Variants in PTPRM observed in about 807,000 individuals in gnomAD.
PTPRM encodes receptor-type tyrosine-protein phosphatase mu.
A neutral mutation model predicts 186.7 loss-of-function variants in PTPRM; 47 were observed. That is an observed-to-expected ratio of 0.25 (90% confidence interval 0.20 to 0.32). The LOEUF (loss-of-function observed/expected upper bound fraction) is 0.32. Ranked by LOEUF, PTPRM falls within the 10% of genes least tolerant of loss-of-function variation. PTPRM has a pLI of 1.00. For missense variants in PTPRM, 1,494 were observed against 1,865.0 expected (o/e 0.80, Z 3.66); for synonymous variants, 668 against 674.9 (o/e 0.99, Z 0.16).
chr18:7,936,267 G>A (rs938825532), intron 5 of PTPRM, among the ~76,000 whole-genome samples: 1 of 152,168 alleles, frequency 6.6e-6, no homozygotes, highest in African/African-American at 2.4e-5. Context: ...GCCCTCCCAG[G>A]TGCAGCTGCA....
chr18:7,929,969 A>G (rs2051384526), intron 5 of PTPRM, among the ~76,000 whole-genome samples: 1 of 152,220 alleles, frequency 6.6e-6, no homozygotes, highest in Admixed American at 6.5e-5. Context: ...ACTTATTTTT[A>G]GTTTTTTCTG....
chr18:8,247,991 T>C, intron 16 of PTPRM, 72 bp downstream of exon 16: 1 of 1,414,054 alleles, frequency 7.1e-7, no homozygotes, highest in South Asian at 1.2e-5. Flanking sequence ...CTCTCTCTGC[T>C]ATCCCTGGTG....
At chr18:7,701,295 C>T (rs1011963037) in intron 1 of PTPRM, among the ~76,000 whole-genome samples, 1 of 126,594 alleles carries the variant, frequency 7.9e-6, no homozygotes, top group East Asian at 2.3e-4. Context: ...AGAGCCAGAC[C>T]GTATCTCAAA....
chr18:7,715,301 C>G (rs561659809), intron 1 of PTPRM, among the ~76,000 whole-genome samples: 1 of 152,136 alleles, frequency 6.6e-6, no homozygotes, highest in African/African-American at 2.4e-5. Context: ...TGACAAAATT[C>G]AACACCTCTT....
intron 1 of PTPRM, among the ~76,000 whole-genome samples, chr18:7,695,463 C>T (rs2039823706): frequency 6.6e-6 from 1 of 152,144 alleles, no homozygotes; most frequent in South Asian, 2.1e-4. Flanking sequence ...TGTTGGGTTC[C>T]ACCGTCTTGC....
At chr18:7,672,653 T>C (rs950711469) in intron 1 of PTPRM, among the ~76,000 whole-genome samples, 2 of 152,168 alleles carry the variant, frequency 1.3e-5, no homozygotes, top group Non-Finnish European at 2.9e-5. Flanking sequence ...TATAGTTTTC[T>C]CAAGGAGTCA....
chr18:7,974,997 T>C (rs1006573968), intron 7 of PTPRM, among the ~76,000 whole-genome samples: 8 of 152,196 alleles, frequency 5.3e-5, no homozygotes, highest in African/African-American at 1.7e-4. Flanking sequence ...GGAATCTGCA[T>C]TTTTAACAAA....
At chr18:7,656,123 A>G (rs1338904345) in intron 1 of PTPRM, among the ~76,000 whole-genome samples, 1 of 152,252 alleles carries the variant, frequency 6.6e-6, no homozygotes, top group Non-Finnish European at 1.5e-5. Flanking sequence ...AGAAATTTGC[A>G]CACACATGTT....
chr18:8,195,826 G>C (rs183400525), intron 14 of PTPRM, among the ~76,000 whole-genome samples: 69 of 152,172 alleles, frequency 4.5e-4, no homozygotes, highest in African/African-American at 1.6e-3. Context: ...TGAAAGCCCA[G>C]ACTCCACCGC....
chr18:7,705,993 T>C (rs939931436), intron 1 of PTPRM, among the ~76,000 whole-genome samples: 1 of 147,844 alleles, frequency 6.8e-6, no homozygotes, highest in African/African-American at 2.4e-5. Flanking sequence ...TATAAATTTA[T>C]ATATTTATAT....
chr18:7,567,643 C>T lies in PTPRM; in HGVS notation c.-176C>T. On this transcript the variant is annotated 5_prime_UTR_variant, in exon 1 of 33. Coordinates refer to ENST00000580170, the MANE Select transcript of PTPRM (RefSeq NM_001105244.2). The surrounding 1 kb of genome is among the most constrained non-coding windows in gnomAD (Gnocchi z 4.3). ...AGGACCCAGGACCCTGTGCCCGCGCCCCTGGAGCCGCTGGAGTTCGGACTT... is the reference window on the plus strand; with the variant it reads ...AGGACCCAGGACCCTGTGCCCGCGCTCCTGGAGCCGCTGGAGTTCGGACTT... The T allele has an allele frequency of 1.9e-6, 1 of 534,476 alleles. No homozygotes were observed. The highest frequency in any genetic ancestry group is 3.2e-6 in the Non-Finnish European group (1 of 316,506). 33.1% of individuals were successfully genotyped at this position (534,476 alleles called of 1,614,324 possible).
intron 30 of PTPRM, among the ~76,000 whole-genome samples, chr18:8,385,394 G>A (rs1409798449): frequency 2.0e-5 from 3 of 152,206 alleles, no homozygotes; most frequent in Non-Finnish European, 4.4e-5. Flanking sequence ...AAGAAGTACT[G>A]GGGTTAGAAA....
intron 2 of PTPRM, among the ~76,000 whole-genome samples, chr18:7,871,012 A>G (rs1044106885): frequency 3.3e-5 from 5 of 152,192 alleles, no homozygotes; most frequent in Admixed American, 2.6e-4. Context: ...GCAGCTCTTG[A>G]AAGAAGTTTT....
chr18:8,200,504 G>T (rs1337225156), intron 14 of PTPRM, among the ~76,000 whole-genome samples: 1 of 152,226 alleles, frequency 6.6e-6, no homozygotes, highest in Non-Finnish European at 1.5e-5. Context: ...GCATTCAGTT[G>T]TTCTTTCTTG....
chr18:7,917,863 A>G (rs921466055), intron 4 of PTPRM, among the ~76,000 whole-genome samples: 4 of 152,174 alleles, frequency 2.6e-5, no homozygotes, highest in Non-Finnish European at 5.9e-5. Flanking sequence ...GCCTTTGGTA[A>G]CCATTAATCT....
intron 1 of PTPRM, among the ~76,000 whole-genome samples, chr18:7,749,759 A>G (rs770424239): frequency 6.6e-6 from 1 of 152,140 alleles, no homozygotes; most frequent in Non-Finnish European, 1.5e-5. Context: ...AAGTGTAGAT[A>G]TATATTCTCA....
chr18:8,247,971 T>A, intron 16 of PTPRM, 52 bp downstream of exon 16: 1 of 1,467,828 alleles, frequency 6.8e-7, no homozygotes, highest in Non-Finnish European at 9.6e-7. Context: ...GCAGTCAGAA[T>A]CACTCCGCCC....
chr18:8,379,845 T>A (rs1439768962), intron 28 of PTPRM, among the ~76,000 whole-genome samples: 1 of 152,222 alleles, frequency 6.6e-6, no homozygotes, highest in Non-Finnish European at 1.5e-5. Context: ...GTACCTGAAC[T>A]TTTTTGAAGC....
chr18:8,072,382 G>T (rs2089538480), intron 8 of PTPRM, among the ~76,000 whole-genome samples: 1 of 152,122 alleles, frequency 6.6e-6, no homozygotes. Context: ...GAATTACTTT[G>T]TTTGTTTAAA....
Sources: allele counts gnomAD v4.1 joint callset (sites outside exome capture counted in the v4.1 genomes callset), GRCh38; gene constraint gnomAD v4.1.1; non-coding constraint Gnocchi (gnomAD v3.1); transcripts MANE v1.5; gene names NCBI Gene and HGNC (gene_info 2026-07-23, HGNC 2026-07-21).